The following PIDD1 variants were observed in gnomAD, a reference collection of about 807,000 sequenced individuals.
PIDD1 encodes p53-induced death domain protein 1.
A neutral mutation model predicts 80.0 loss-of-function variants in PIDD1; 72 were observed. That is an observed-to-expected ratio of 0.90 (90% CI 0.74 to 1.09). PIDD1 has a LOEUF of 1.09. PIDD1 is among the 50% of genes least tolerant of loss of function. The pLI is 0.00. For missense variants in PIDD1, 1,329 were observed against 1,228.3 expected (o/e 1.08, Z -1.23); for synonymous variants, 655 against 543.5 (o/e 1.21, Z -2.85).
chr11:799,673 C>A, intron 15 of PIDD1, 108 bp from the exon 16 acceptor site: 1 of 1,397,762 alleles, frequency 7.2e-7, no homozygotes, highest in Non-Finnish European at 9.5e-7. Flanking sequence ...GGGCCAGGTG[C>A]GGCCAGACCT....
chr11:805,786 A>C, upstream of PIDD1: 2 of 617,082 alleles, frequency 3.2e-6, no homozygotes, highest in Non-Finnish European at 4.0e-6. Flanking sequence ...TCAATCGCGC[A>C]GGGGAGAAGG....
chr11:808,930 G>C (rs1353631403), upstream of PIDD1, among the ~76,000 whole-genome samples: 1 of 152,188 alleles, frequency 6.6e-6, no homozygotes, highest in Non-Finnish European at 1.5e-5. Flanking sequence ...GGCGCTGCCT[G>C]CTAACACGGT....
chr11:807,735 C>A (rs556442538), upstream of PIDD1, among the ~76,000 whole-genome samples: 1 of 152,084 alleles, frequency 6.6e-6, no homozygotes, highest in Admixed American at 6.5e-5. Context: ...CAAGATCACG[C>A]GACTGCACTC....
chr11:802,529 A>T lies in PIDD1; in HGVS notation c.974+14T>A. 1 of 1,612,890 alleles carries T rather than the reference A, an allele frequency of 6.2e-7. No homozygotes were observed. The highest frequency in any genetic ancestry group is 8.5e-7 in the Non-Finnish European group (1 of 1,179,454). ...AGACAGACTCCCCTCCAGCCCCCTC[A>T]ACCCACCCCATACCTGTCCAAATCT... On this transcript the variant is annotated intron_variant, in intron 5 of 15. Coordinates refer to ENST00000347755, the MANE Select transcript of PIDD1 (RefSeq NM_145886.4).
At position 799,290 on chromosome 11, in the gene PIDD1, CT is replaced by C. The variant is rs750205619; in HGVS notation, c.*16del. The C allele has an allele frequency of 1.0e-4, 157 of 1,569,066 alleles. 1 individual carries two copies. The Middle Eastern group carries it at 1.7e-3, about 17-fold the overall frequency. The stretch of plus-strand genomic sequence containing the variant: ...TCCACTGGGGAATATCTGGGCCAGC[CT>C]AAAAGTCTGTGGGGCCTAGGCCTGG... On this transcript the variant is annotated 3_prime_UTR_variant, in exon 16 of 16. Transcript: ENST00000347755.
At position 800,407 on chromosome 11, in the gene PIDD1, A is replaced by G. The variant is rs757911260; in HGVS notation, c.2086T>C (p.Ser696Pro). Residue 696 changes from serine to proline, a missense_variant, in exon 13 of 16, where the codon TCG becomes CCG. By Grantham distance (74) the Ser-to-Pro change is moderately conservative. Coordinates refer to ENST00000347755, the MANE Select transcript of PIDD1 (RefSeq NM_145886.4). ...ACCTCCTTCACATTCTTCAGGTGCG[A>G]GTAGAAGACAAAGCAGATTCTGCCC... is the stretch of plus-strand genomic sequence containing the variant. Reference protein sequence around the residue: ...VEGRICFVFYSHLKNVKEVYV... With the variant: ...VEGRICFVFYPHLKNVKEVYV... The G allele has an allele frequency of 4.4e-6, 7 of 1,576,746 alleles. No individual in the cohort carries two copies. The Admixed American group carries it at 1.2e-4, about 27-fold the overall frequency.
intron 3 of PIDD1, 36 bp downstream of exon 3, chr11:803,138 G>A (rs752795133): frequency 2.2e-5 from 32 of 1,458,720 alleles, no homozygotes; most frequent in African/African-American, 2.8e-5. Context: ...GGACCCTCCC[G>A]TGGGGCCAGT....
chr11:802,298 T>C lies in PIDD1; in HGVS notation c.1073A>G (p.Tyr358Cys). ...GCCTGGCTCCGGCAGCAGCAGCCGA[T>C]AGCGGATGGTGATGGGGGTGGCGGT... Reference protein sequence around the residue: ...GATATPITIRYRLLLPEPGLV... With the variant: ...GATATPITIRCRLLLPEPGLV... Residue 358 changes from tyrosine to cysteine, a missense_variant, in exon 6 of 16, where the codon TAT (tyrosine) becomes TGT (cysteine). By Grantham distance (194) the Tyr-to-Cys change is radical (BLOSUM62 -2). Transcript: ENST00000347755. 2.5e-6 allele frequency: 4 copies of C among 1,612,168 alleles called. No individual in the cohort carries two copies. Among genetic ancestry groups the C allele is most frequent in the Non-Finnish European group, 3.4e-6 (4 of 1,179,762 alleles).
intron 3 of PIDD1, 46 bp from the exon 4 acceptor site, chr11:802,937 G>T (rs1354481999): frequency 6.8e-7 from 1 of 1,478,154 alleles, no homozygotes; most frequent in Non-Finnish European, 9.2e-7. Context: ...CCAGCCCACG[G>T]CGCTGGGACA....
rs368019157 is a variant in PIDD1, at chr11:803,598, G to A, written c.296-11C>T. 2 of 1,598,232 alleles carry A rather than the reference G, an allele frequency of 1.3e-6. No individual in the cohort carries two copies. The highest frequency in any genetic ancestry group is 1.7e-6 in the Non-Finnish European group (2 of 1,172,348). The stretch of plus-strand genomic sequence containing the variant: ...CCCGGCGTTGCCCTCCTGGGAAGGG[G>A]GGAGGCGGATGTGGCCCTCAGAGCC... On this transcript the variant is annotated splice_polypyrimidine_tract_variant and intron_variant, in intron 2 of 15. Transcript: ENST00000347755.
chr11:802,301 C>T lies in PIDD1; in HGVS notation c.1070G>A (p.Arg357His), dbSNP rs749210183. 1.7e-5 allele frequency: 27 copies of T among 1,612,058 alleles called. No homozygotes were observed. Among genetic ancestry groups the T allele is most frequent in the Admixed American group, 5.0e-5 (3 of 59,922 alleles). The change falls in exon 6 of 16, where the codon CGC becomes CAC. Residue 357 changes from arginine (R) to histidine (H), a missense_variant. Arg to His is a conservative substitution (Grantham distance 29, BLOSUM62 0). Transcript: ENST00000347755. ...AGATATPITIRYRLLLPEPGL... is the reference protein window; with the variant it reads ...AGATATPITIHYRLLLPEPGL... ...TGGCTCCGGCAGCAGCAGCCGATAG[C>T]GGATGGTGATGGGGGTGGCGGTGGC...
Position 799,968 on chromosome 11 carries a change from A to G in PIDD1, c.2321T>C (p.Leu774Ser), listed in dbSNP as rs1201568749. The G allele has an allele frequency of 6.2e-7, 1 of 1,612,824 alleles. No homozygotes were observed. The change falls in exon 15 of 16, where the codon TTG becomes TCG. Residue 774 changes from leucine to serine, a missense_variant. Leu to Ser is a moderately radical substitution (Grantham distance 145). Coordinates refer to ENST00000347755, the MANE Select transcript of PIDD1 (RefSeq NM_145886.4). ...EGPRRGAGLS[L>S]APLNLGDAET... ...GGCATCTCCCAGATTCAAGGGTGCC[A>G]AGGAGAGGCCAGCCCCCCGCCGTGG... is the stretch of plus-strand genomic sequence containing the variant.
intron 8 of PIDD1, 40 bp from the exon 9 acceptor site, chr11:801,405 G>C: frequency 6.3e-7 from 1 of 1,584,082 alleles, no homozygotes; most frequent in Non-Finnish European, 8.6e-7. Flanking sequence ...CCTGTGGGCT[G>C]AGGCGCGGCC....
chr11:809,114 A>G (rs1865926732), upstream of PIDD1, among the ~76,000 whole-genome samples: 2 of 151,836 alleles, frequency 1.3e-5, no homozygotes, highest in Non-Finnish European at 2.9e-5. Flanking sequence ...ACAAGAACTC[A>G]AGTCCTTAGG....
upstream of PIDD1, among the ~76,000 whole-genome samples, chr11:807,070 T>G (rs757881941): frequency 2.0e-5 from 3 of 151,634 alleles, no homozygotes; most frequent in Non-Finnish European, 4.4e-5. Context: ...CAGGCGCCTG[T>G]AATCCCAGCT....
Position 801,518 on chromosome 11 carries a change from G to T in PIDD1, c.1409C>A (p.Ser470Tyr). Reference sequence around the variant, plus strand: ...GACTTTGACCCCAGGATGACCCGAGGAGCACAGCAGTGTCCCCTCCGGTGG... The same window carrying T: ...GACTTTGACCCCAGGATGACCCGAGTAGCACAGCAGTGTCCCCTCCGGTGG... ...LVPPEGTLLC[S>Y]SGHPGVKVIF... is the part of the protein sequence containing the mutation. The change falls in exon 8 of 16, where the codon TCC becomes TAC. Residue 470 changes from serine (S) to tyrosine (Y), a missense_variant. By Grantham distance (144) the Ser-to-Tyr change is moderately radical. Coordinates refer to ENST00000347755, the MANE Select transcript of PIDD1 (RefSeq NM_145886.4). 1 of 1,560,562 alleles carries T rather than the reference G, an allele frequency of 6.4e-7. No homozygotes were observed. Among genetic ancestry groups the T allele is most frequent in the Non-Finnish European group, 8.7e-7 (1 of 1,152,120 alleles).
In PIDD1 at chr11:805,161, G is replaced by A. The variant is rs1027841326; in HGVS notation, c.-76+18C>T. 1.9e-5 allele frequency: 19 copies of A among 978,098 alleles called. No homozygotes were observed. Among genetic ancestry groups the A allele is most frequent in the South Asian group, 4.7e-5 (1 of 21,142 alleles). 60.6% of individuals were successfully genotyped at this position (978,098 alleles called of 1,614,324 possible). ...CGTGTCCCCGCCGCCCCCTCCGCCC[G>A]CCCAGGCCGGCGCGTACCTGCGCTG... On this transcript the variant is annotated intron_variant, in intron 1 of 15. Coordinates refer to ENST00000347755, the MANE Select transcript of PIDD1 (RefSeq NM_145886.4).
chr11:805,715 A>T (rs573209448), upstream of PIDD1: 7 of 981,312 alleles, frequency 7.1e-6, no homozygotes, highest in East Asian at 5.7e-4. Flanking sequence ...GCCTGCAAAG[A>T]CCCTTCCTTT....
upstream of PIDD1, among the ~76,000 whole-genome samples, chr11:808,563 G>A (rs1394196573): frequency 6.6e-6 from 1 of 152,238 alleles, no homozygotes; most frequent in African/African-American, 2.4e-5. Context: ...AGCCGGGTGT[G>A]GTGGCACACG....
Sources: allele counts gnomAD v4.1 joint callset (sites outside exome capture counted in the v4.1 genomes callset), GRCh38; gene constraint gnomAD v4.1.1; transcripts MANE v1.5; gene names NCBI Gene and HGNC (gene_info 2026-07-23, HGNC 2026-07-21).